DIAPH2: variants seen among roughly 807,000 people sequenced by gnomAD.
DIAPH2 encodes diaphanous related formin 2.
DIAPH2 carries 35 observed loss-of-function variants against 92.7 expected under a neutral mutation model. The ratio of observed to expected loss-of-function variants is 0.38; its 90% CI spans 0.29 to 0.50. The LOEUF is 0.50. DIAPH2 is among the 20% of genes least tolerant of loss of function. The pLI is 0.94. For synonymous variants in DIAPH2, 301 were observed against 280.4 expected (o/e 1.07, Z -0.73); for missense variants, 701 against 819.5 (o/e 0.86, Z 1.77).
intron 26 of DIAPH2, among the ~76,000 whole-genome samples, chrX:97,452,815 TC>T (rs1268536467): frequency 8.9e-6 from 1 of 112,414 alleles, no homozygotes; most frequent in Non-Finnish European, 1.9e-5. Context: ...ACATAATATG[TC>T]GTCAGTAAAG....
intron 26 of DIAPH2, among the ~76,000 whole-genome samples, chrX:97,464,296 C>CA (rs2070488888): frequency 8.5e-5 from 1 of 11,756 alleles, no homozygotes; most frequent in Non-Finnish European, 1.4e-4. Flanking sequence ...CCCATCTCTA[C>CA]TAAAAAAAAA....
intron 26 of DIAPH2, among the ~76,000 whole-genome samples, chrX:97,553,131 A>G (rs916570077): frequency 1.8e-5 from 2 of 112,473 alleles, no homozygotes; most frequent in African/African-American, 6.4e-5. Context: ...TCTTTATAAT[A>G]AGGAAGAAGG....
intron 26 of DIAPH2, among the ~76,000 whole-genome samples, chrX:97,438,338 GT>G (rs745882169): frequency 0.032 from 1,715 of 53,656 alleles, 28 homozygotes; most frequent in Non-Finnish European, 0.042. Context: ...GCAGCTTCTT[GT>G]TTTTTTTTTT....
chrX:96,980,416 T>G (rs1336395590), intron 17 of DIAPH2, among the ~76,000 whole-genome samples: 1 of 111,021 alleles, frequency 9.0e-6, no homozygotes, highest in African/African-American at 3.3e-5. Flanking sequence ...TTCAGCTGCT[T>G]CTTCTCATCT....
chrX:96,876,084 C>T (rs1235099573), intron 4 of DIAPH2, among the ~76,000 whole-genome samples: 2 of 112,007 alleles, frequency 1.8e-5, no homozygotes, highest in African/African-American at 6.5e-5. Context: ...ACAACTCCAT[C>T]AACAAGTGGG....
chrX:97,445,236 G>A (rs1369004849), intron 26 of DIAPH2, among the ~76,000 whole-genome samples: 1 of 110,967 alleles, frequency 9.0e-6, no homozygotes, highest in African/African-American at 3.3e-5. Context: ...AAAATATTAT[G>A]GGCAAGTTGA....
At chrX:97,351,665 T>C (rs771953700) in intron 24 of DIAPH2, among the ~76,000 whole-genome samples, 7 of 110,421 alleles carry the variant, frequency 6.3e-5, no homozygotes, top group African/African-American at 2.0e-4. Context: ...TAGCCGGGCG[T>C]GGTGGCGGGC....
chrX:97,579,259 T>C (rs6620306), intron 26 of DIAPH2, among the ~76,000 whole-genome samples: 50,898 of 104,912 alleles, frequency 0.49, 9,510 homozygotes, highest in South Asian at 0.66. Context: ...GCCTATGTCC[T>C]GAATGGTAAT....
chrX:97,324,951 C>A (rs2068937032), intron 23 of DIAPH2, among the ~76,000 whole-genome samples: 1 of 111,042 alleles, frequency 9.0e-6, no homozygotes, highest in Non-Finnish European at 1.9e-5. Flanking sequence ...AGACACCTGC[C>A]ACCACACCCA....
intron 17 of DIAPH2, among the ~76,000 whole-genome samples, chrX:97,050,230 C>T (rs2066510602): frequency 9.0e-6 from 1 of 110,572 alleles, no homozygotes; most frequent in Non-Finnish European, 1.9e-5. Flanking sequence ...GATGGTATAC[C>T]TTTCCCCCCT....
chrX:96,912,950 G>A (rs969379426), intron 7 of DIAPH2, among the ~76,000 whole-genome samples: 3 of 108,706 alleles, frequency 2.8e-5, no homozygotes, highest in African/African-American at 6.7e-5. Context: ...GCTATTGTTA[G>A]TTTTCTCGAT....
At chrX:97,368,253 G>C (rs1234177563) in intron 24 of DIAPH2, among the ~76,000 whole-genome samples, 1 of 111,980 alleles carries the variant, frequency 8.9e-6, no homozygotes, top group Non-Finnish European at 1.9e-5. Flanking sequence ...AATAAGACTT[G>C]TTCTTTAAAT....
intron 25 of DIAPH2, among the ~76,000 whole-genome samples, chrX:97,420,056 G>A (rs927102724): frequency 6.3e-5 from 7 of 110,763 alleles, no homozygotes; most frequent in African/African-American, 2.3e-4. Context: ...TTAACATTTA[G>A]GTTTATTGGG....
At chrX:97,441,682 G>A (rs1452417207) in intron 26 of DIAPH2, among the ~76,000 whole-genome samples, 1 of 111,527 alleles carries the variant, frequency 9.0e-6, no homozygotes, top group Non-Finnish European at 1.9e-5. Flanking sequence ...CGGGCGTGGT[G>A]GCACATGCCT....
chrX:96,778,087 G>A (rs1371088963), intron 4 of DIAPH2, among the ~76,000 whole-genome samples: 1 of 90,818 alleles, frequency 1.1e-5, no homozygotes, highest in African/African-American at 4.3e-5. Flanking sequence ...CTGTGTCCAT[G>A]TGTTCTCATT....
chrX:97,301,567 T>C lies in DIAPH2; in HGVS notation c.2845-46549T>C, dbSNP rs1474004527. ...ATAAGCACAAAGATGTTAGCAAAAT[T>C]AAGGGCACTTTAAAGTTTTTGTTGA... is the stretch of plus-strand genomic sequence containing the variant. On this transcript the variant is annotated intron_variant, in intron 23 of 26. Coordinates refer to ENST00000324765, the MANE Select transcript of DIAPH2 (RefSeq NM_006729.5). Among the ~76,000 whole-genome samples the C allele has an allele frequency of 4.5e-5, 5 of 111,810 alleles. 1 individual carries two copies. Among genetic ancestry groups the C allele is most frequent in the African/African-American group, 1.6e-4 (5 of 30,560 alleles).
intron 21 of DIAPH2, among the ~76,000 whole-genome samples, chrX:97,115,540 A>T (rs2067010780): frequency 9.0e-6 from 1 of 111,421 alleles, no homozygotes; most frequent in Admixed American, 9.6e-5. Flanking sequence ...TGTCTCAAAA[A>T]ATAAAATATA....
At chrX:97,226,889 CTTTA>C (rs1049727381) in intron 22 of DIAPH2, among the ~76,000 whole-genome samples, 1 of 111,355 alleles carries the variant, frequency 9.0e-6, no homozygotes, top group African/African-American at 3.3e-5. Context: ...TTTATGTCAC[CTTTA>C]TTCATTCACC....
intron 17 of DIAPH2, among the ~76,000 whole-genome samples, chrX:97,062,628 G>A (rs1355620438): frequency 9.0e-6 from 1 of 111,529 alleles, no homozygotes; most frequent in East Asian, 2.8e-4. Context: ...AGAACTTAAA[G>A]CTTATTTGAA....
Sources: gnomAD v4.1 joint callset for allele counts (sites outside exome capture counted in the v4.1 genomes callset) on GRCh38, gnomAD v4.1.1 for gene constraint, MANE v1.5 for transcripts, NCBI Gene and HGNC (gene_info 2026-07-23, HGNC 2026-07-21) for gene names.